Variants in NPTN observed in about 807,000 individuals in gnomAD.
The protein encoded by NPTN is SDR-1.
A neutral mutation model predicts 42.7 loss-of-function variants in NPTN; 5 were observed. That is an observed-to-expected ratio of 0.12 (90% CI 0.06 to 0.25). The LOEUF is 0.25. Ranked by LOEUF, NPTN falls within the 10% of genes least tolerant of loss-of-function variation. The pLI is 1.00. For synonymous variants in NPTN, 180 were observed against 201.9 expected (o/e 0.89, Z 0.92); for missense variants, 307 against 525.4 (o/e 0.58, Z 4.06).
At chr15:73,577,747 A>G (rs987579183) in intron 4 of NPTN, among the ~76,000 whole-genome samples, 1 of 152,112 alleles carries the variant, frequency 6.6e-6, no homozygotes, top group African/African-American at 2.4e-5. Flanking sequence ...AGCTGGCCCC[A>G]CCCAGATCAA....
At chr15:73,575,564 T>C (rs1375082433) in intron 4 of NPTN, among the ~76,000 whole-genome samples, 4 of 152,236 alleles carry the variant, frequency 2.6e-5, no homozygotes, top group Non-Finnish European at 5.9e-5. Context: ...CTACAGCCAT[T>C]ATCAAATGGA....
At chr15:73,613,826 C>A (rs1897720864) in intron 1 of NPTN, among the ~76,000 whole-genome samples, 2 of 151,932 alleles carry the variant, frequency 1.3e-5, no homozygotes, top group Non-Finnish European at 2.9e-5. Flanking sequence ...ACTGGGATTA[C>A]AGGCGCCCAC....
At chr15:73,567,672 CA>C (rs1321001171) in intron 6 of NPTN, 6 of 985,150 alleles carry the variant, frequency 6.1e-6, no homozygotes, top group Non-Finnish European at 7.2e-6. Context: ...GAAAAGCGGG[CA>C]GGGGTGGAAG....
chr15:73,619,295 T>C (rs1024675016), intron 1 of NPTN, among the ~76,000 whole-genome samples: 1 of 152,152 alleles, frequency 6.6e-6, no homozygotes. Flanking sequence ...GAAAACAAGA[T>C]GTACAGCAAG....
chr15:73,609,316 T>C (rs1897444292), intron 1 of NPTN, among the ~76,000 whole-genome samples: 1 of 152,070 alleles, frequency 6.6e-6, no homozygotes, highest in African/African-American at 2.4e-5. Context: ...TTGAGTAGAG[T>C]GTGTAATGCT....
intron 1 of NPTN, among the ~76,000 whole-genome samples, chr15:73,619,575 T>C (rs897133836): frequency 6.6e-5 from 10 of 152,228 alleles, no homozygotes; most frequent in African/African-American, 2.4e-4. Flanking sequence ...GATACATTAA[T>C]GTTAAAAGCT....
intron 6 of NPTN, chr15:73,567,855 C>T (rs1595895482): frequency 7.1e-6 from 7 of 985,390 alleles, no homozygotes; most frequent in Non-Finnish European, 8.4e-6. Flanking sequence ...TCAGATTTTT[C>T]ACCCCAATGC....
In NPTN at chr15:73,570,051, G is replaced by A. The variant is rs1895277505; in HGVS notation, c.1114+99C>T. 2.5e-6 allele frequency: 3 copies of A among 1,185,822 alleles called. No homozygotes were observed. The highest frequency in any genetic ancestry group is 2.5e-5 in the South Asian group (1 of 40,110). 73.5% of individuals were successfully genotyped at this position (1,185,822 alleles called of 1,614,324 possible). ...AAGAATTTTCCTTCTTTCCTTTAGG[G>A]ATTGAATCCCAACATCCCTATAGTC... On this transcript the variant is annotated intron_variant, in intron 6 of 8. Coordinates refer to ENST00000345330, the MANE Select transcript of NPTN (RefSeq NM_012428.4). The surrounding 1 kb of genome is among the most constrained non-coding windows in gnomAD (Gnocchi z 4.0).
Position 73,633,241 on chromosome 15 carries a change from G to A in NPTN, c.-26C>T, listed in dbSNP as rs369418935. ...CCTCCCTAGCAGAAGACCCAACAGC[G>A]AATGGGCCGGGGCCAGAGCCGGGGC... On this transcript the variant is annotated 5_prime_UTR_variant, in exon 1 of 9. Transcript: ENST00000345330. The A allele has an allele frequency of 7.1e-7, 1 of 1,400,044 alleles. No homozygotes were observed. The allele number at this position is 1,400,044 out of a possible 1,614,324, so 86.7% of individuals were successfully genotyped here.
intron 6 of NPTN, chr15:73,563,567 A>C (rs1431767606): frequency 8.4e-7 from 1 of 1,186,852 alleles, no homozygotes; most frequent in Admixed American, 4.4e-5. Flanking sequence ...CTTGTCCCCA[A>C]GTTCCAGTGG....
At chr15:73,595,054 A>G (rs532354040) in intron 2 of NPTN, among the ~76,000 whole-genome samples, 1 of 152,152 alleles carries the variant, frequency 6.6e-6, no homozygotes, top group Non-Finnish European at 1.5e-5. Context: ...AAGAGAGTCT[A>G]GCCAGGATTT....
intron 6 of NPTN, among the ~76,000 whole-genome samples, chr15:73,564,682 A>G (rs960622369): frequency 3.9e-5 from 6 of 152,144 alleles, no homozygotes; most frequent in Non-Finnish European, 5.9e-5. Flanking sequence ...ACCAGGTACT[A>G]AGACACAAAA....
intron 1 of NPTN, among the ~76,000 whole-genome samples, chr15:73,603,274 T>C (rs968727908): frequency 1.4e-4 from 22 of 152,224 alleles, no homozygotes; most frequent in African/African-American, 5.3e-4. Context: ...TATGTCTCCA[T>C]AGAAATAAGT....
Position 73,597,947 on chromosome 15 carries a change from C to T in NPTN, c.92-578G>A, listed in dbSNP as rs1187397624. Among the ~76,000 whole-genome samples the T allele has an allele frequency of 2.0e-5, 3 of 152,192 alleles. No individual in the cohort carries two copies. In the East Asian group the frequency reaches 5.8e-4, roughly 29 times the overall value. Reference sequence around the variant, plus strand: ...TCAACTGAAAGAGTAGCAAATTTCTCTCTCACACAGGATTCTATCCTGGGT... The same window carrying T: ...TCAACTGAAAGAGTAGCAAATTTCTTTCTCACACAGGATTCTATCCTGGGT... On this transcript the variant is annotated intron_variant, in intron 1 of 8. Transcript: ENST00000345330. This position sits in a 1 kb window ranked among gnomAD's most constrained non-coding sequence, Gnocchi z 6.3.
chr15:73,561,952 G>A lies in NPTN; in HGVS notation c.1155C>T (p.Asn385=). 6.3e-7 allele frequency: 1 copy of A among 1,591,122 alleles called. No homozygotes were observed. Among genetic ancestry groups the A allele is most frequent in the Non-Finnish European group, 8.5e-7 (1 of 1,173,872 alleles). ...GGCGCAAGTTTTTATCTTTGTGATT[G>A]TTGGTAGAGTTGGTTTTCCTTTGGA... ...PAGPMKTNST[N]NHKDKNLRQR... The change falls in exon 8 of 9, where the codon AAC becomes AAT. Residue 385 remains asparagine (N), a synonymous_variant. Transcript: ENST00000345330.
At chr15:73,583,935 G>A (rs1896188776) in intron 4 of NPTN, among the ~76,000 whole-genome samples, 1 of 152,190 alleles carries the variant, frequency 6.6e-6, no homozygotes, top group Non-Finnish European at 1.5e-5. Context: ...TATGTCACTT[G>A]TAATGCACCA....
At chr15:73,586,451 C>T (rs1457789723) in intron 4 of NPTN, among the ~76,000 whole-genome samples, 1 of 152,190 alleles carries the variant, frequency 6.6e-6, no homozygotes, top group Non-Finnish European at 1.5e-5. Context: ...ATTAAACTGG[C>T]AGCTGGAGGA....
intron 1 of NPTN, among the ~76,000 whole-genome samples, chr15:73,600,134 G>A (rs1897017322): frequency 6.6e-6 from 1 of 152,196 alleles, no homozygotes; most frequent in South Asian, 2.1e-4. Context: ...CACTCAGCCA[G>A]ATCATGCCAC....
chr15:73,578,549 AG>A (rs932738158), intron 4 of NPTN, among the ~76,000 whole-genome samples: 1 of 152,254 alleles, frequency 6.6e-6, no homozygotes, highest in African/African-American at 2.4e-5. Context: ...ACAGTTACTA[AG>A]ATGAGGAAAA....
Sources: gnomAD v4.1 joint callset for allele counts (sites outside exome capture counted in the v4.1 genomes callset) on GRCh38, gnomAD v4.1.1 for gene constraint, Gnocchi (gnomAD v3.1) non-coding constraint, MANE v1.5 for transcripts, NCBI Gene and HGNC (gene_info 2026-07-23, HGNC 2026-07-21) for gene names.